The following METTL15 variants were observed in gnomAD, a reference collection of about 807,000 sequenced individuals.
METTL15 encodes 12S rRNA N(4)-cytidine methyltransferase METTL15.
A neutral mutation model predicts 38.3 loss-of-function variants in METTL15; 34 were observed. The ratio of observed to expected loss-of-function variants is 0.89; its 90% CI spans 0.68 to 1.18. The LOEUF (loss-of-function observed/expected upper bound fraction) is 1.18. METTL15 is among the 50% of genes most tolerant of loss of function. METTL15 has a pLI of 0.00. For synonymous variants in METTL15, 162 were observed against 170.9 expected (o/e 0.95, Z 0.41); for missense variants, 438 against 498.4 (o/e 0.88, Z 1.15).
At chr11:28,209,061 T>C (rs1852505156) in intron 3 of METTL15, among the ~76,000 whole-genome samples, 1 of 151,988 alleles carries the variant, frequency 6.6e-6, no homozygotes, top group Non-Finnish European at 1.5e-5. Context: ...ACTTTCTTGA[T>C]TGTCAGTACA....
rs774607976 is a variant in METTL15 at position 28,219,296 on chromosome 11, G to A, written c.407+8098G>A. Among the ~76,000 whole-genome samples the A allele has an allele frequency of 3.3e-5, 5 of 152,178 alleles. No homozygotes were observed. In the South Asian group the frequency reaches 8.3e-4, roughly 25 times the overall value. ...TCCTGGTTTAGTCTTGGGAGGCTGT[G>A]TGTGATGAGGAATTTATCCATTTCT... On this transcript the variant is annotated intron_variant, in intron 4 of 6. Transcript: ENST00000407364.
At chr11:28,175,910 A>AATAT (rs34260210) in intron 3 of METTL15, among the ~76,000 whole-genome samples, 6 of 149,670 alleles carry the variant, frequency 4.0e-5, no homozygotes, top group Admixed American at 1.3e-4. Context: ...TAAATGTGCA[A>AATAT]ATATATATAT....
chr11:28,162,202 G>C (rs939502094), intron 3 of METTL15, among the ~76,000 whole-genome samples: 3 of 152,022 alleles, frequency 2.0e-5, no homozygotes, highest in African/African-American at 7.2e-5. Flanking sequence ...AGGCAGCCAG[G>C]CTCTAGAGCC....
In METTL15 at chr11:28,179,903, A is replaced by G. The variant is rs181773256; in HGVS notation, c.271-31159A>G. Reference sequence around the variant, plus strand: ...GAGTTCCAGTTGTTTCACATATGCAATGCGACTTAGCATTGACAATATTTT... The same window carrying G: ...GAGTTCCAGTTGTTTCACATATGCAGTGCGACTTAGCATTGACAATATTTT... On this transcript the variant is annotated intron_variant, in intron 3 of 6. Coordinates refer to ENST00000407364, the MANE Select transcript of METTL15 (RefSeq NM_001113528.2). Among the ~76,000 whole-genome samples the G allele has an allele frequency of 3.9e-5, 6 of 151,982 alleles. No homozygotes were observed. The East Asian group carries it at 7.7e-4, about 20-fold the overall frequency.
chr11:28,325,780 A>C (rs1201252267), intron 6 of METTL15, among the ~76,000 whole-genome samples: 1 of 152,216 alleles, frequency 6.6e-6, no homozygotes, highest in East Asian at 1.9e-4. Context: ...TAAGAATCAC[A>C]AGCTTCTCTG....
intron 3 of METTL15, among the ~76,000 whole-genome samples, chr11:28,156,705 G>A (rs1217641496): frequency 1.3e-5 from 2 of 152,040 alleles, no homozygotes. Context: ...ATTTTTATGA[G>A]CTTTCAGATT....
intron 4 of METTL15, among the ~76,000 whole-genome samples, chr11:28,216,573 T>A (rs1852882585): frequency 6.6e-6 from 1 of 152,096 alleles, no homozygotes; most frequent in South Asian, 2.1e-4. Context: ...CTTCTTTTTT[T>A]TATTATACTT....
intron 6 of METTL15, among the ~76,000 whole-genome samples, chr11:28,506,005 A>C (rs2133496146): frequency 6.6e-6 from 1 of 152,290 alleles, no homozygotes; most frequent in Admixed American, 6.5e-5. Context: ...TTGCCCTGTA[A>C]GTTTGTGAGA....
At chr11:28,205,234 CT>C (rs1225918879) in intron 3 of METTL15, among the ~76,000 whole-genome samples, 5 of 151,556 alleles carry the variant, frequency 3.3e-5, no homozygotes, top group Admixed American at 2.0e-4. Context: ...TTAGGTATAT[CT>C]CCTAATGCTA....
At chr11:28,218,450 G>T (rs920482724) in intron 4 of METTL15, among the ~76,000 whole-genome samples, 7 of 152,150 alleles carry the variant, frequency 4.6e-5, no homozygotes, top group Non-Finnish European at 8.8e-5. Flanking sequence ...AGCTTAAAGA[G>T]ATTTTGGGCT....
intron 4 of METTL15, among the ~76,000 whole-genome samples, chr11:28,359,662 A>T (rs941225126): frequency 6.6e-6 from 1 of 151,950 alleles, no homozygotes; most frequent in African/African-American, 2.4e-5. Context: ...ATTTGCATTT[A>T]TCTGAGGATT....
chr11:28,211,032 G>T (rs1461116026), intron 3 of METTL15, 30 bp from the exon 4 acceptor site: 4 of 1,590,854 alleles, frequency 2.5e-6, no homozygotes, highest in Non-Finnish European at 3.4e-6. Flanking sequence ...TTTATGCTAA[G>T]TTGTAATTTT....
intron 3 of METTL15, among the ~76,000 whole-genome samples, chr11:28,166,586 CATTT>C (rs1451433799): frequency 1.3e-5 from 2 of 152,074 alleles, no homozygotes; most frequent in African/African-American, 2.4e-5. Context: ...GTTCAGGATT[CATTT>C]GTGATGTTTT....
chr11:28,482,063 G>A (rs1356542008), intron 6 of METTL15, among the ~76,000 whole-genome samples: 6 of 152,024 alleles, frequency 3.9e-5, no homozygotes, highest in African/African-American at 1.4e-4. Flanking sequence ...AGCCACTGAA[G>A]GATGAAGAAT....
intron 5 of METTL15, among the ~76,000 whole-genome samples, chr11:28,362,274 ACATATCATATTG>A (rs1390973484): frequency 2.6e-5 from 4 of 152,236 alleles, no homozygotes; most frequent in Non-Finnish European, 4.4e-5. Context: ...CAGGAAGATC[ACATATCATATTG>A]CATTGGGTAT....
At position 28,330,875 on chromosome 11, in the gene METTL15, C is replaced by G; in HGVS notation, c.*34C>G. On this transcript the variant is annotated 3_prime_UTR_variant, in exon 7 of 7. Transcript: ENST00000407364. Reference sequence around the variant, plus strand: ...CATCTTATTCTTCAAATTTTTTTCTCACAATTTCTCTAATCTTTACTCATG... The same window carrying G: ...CATCTTATTCTTCAAATTTTTTTCTGACAATTTCTCTAATCTTTACTCATG... 6.8e-7 allele frequency: 1 copy of G among 1,465,362 alleles called. No individual in the cohort carries two copies. Among genetic ancestry groups the G allele is most frequent in the South Asian group, 1.4e-5 (1 of 72,324 alleles). The allele number at this position is 1,465,362 out of a possible 1,614,324, so 90.8% of individuals were successfully genotyped here. A position where few individuals can be genotyped will look rare whatever the true frequency, so the allele number is the denominator to read the frequency against.
rs1855370197 is a variant in METTL15 at position 28,265,333 on chromosome 11, A to T, written c.408-24873A>T. ...TTAAACTGGTAATCTATAGAATATG[A>T]TGATGAAGGCTATGCCTTGCTGAAA... is the stretch of plus-strand genomic sequence containing the variant. On this transcript the variant is annotated intron_variant, in intron 4 of 6. Transcript: ENST00000407364. 2.0e-5 allele frequency among the ~76,000 whole-genome samples: 3 copies of T among 151,876 alleles called. No individual in the cohort carries two copies. The South Asian group carries it at 6.2e-4, about 32-fold the overall frequency.
At chr11:28,190,902 C>G (rs1222917840) in intron 3 of METTL15, among the ~76,000 whole-genome samples, 2 of 151,284 alleles carry the variant, frequency 1.3e-5, no homozygotes, top group Admixed American at 6.6e-5. Flanking sequence ...CTTGTTCAAC[C>G]AAAGTAACAT....
chr11:28,175,543 A>T (rs955906396), intron 3 of METTL15, among the ~76,000 whole-genome samples: 11 of 152,190 alleles, frequency 7.2e-5, no homozygotes, highest in African/African-American at 2.7e-4. Flanking sequence ...ACAATGGTTG[A>T]ACTAGTTTAC....
Sources: gnomAD v4.1 joint callset for allele counts (sites outside exome capture counted in the v4.1 genomes callset) on GRCh38, gnomAD v4.1.1 for gene constraint, MANE v1.5 for transcripts, NCBI Gene and HGNC (gene_info 2026-07-23, HGNC 2026-07-21) for gene names.